NCAM2: variants seen among roughly 807,000 people sequenced by gnomAD.
The protein encoded by NCAM2 is neural cell adhesion molecule 2, also known as N-CAM-2.
Under a neutral mutation model 98.1 loss-of-function variants are expected in NCAM2, and 30 were observed. The observed-to-expected ratio is 0.31, with a 90% CI of 0.23 to 0.41. NCAM2 has a LOEUF of 0.41. Among genes scored for constraint, NCAM2 ranks in the 10% least tolerant of loss-of-function variants. NCAM2 has a pLI of 1.00. For synonymous variants in NCAM2, 368 were observed against 342.4 expected (o/e 1.07, Z -0.83); for missense variants, 867 against 1,005.8 (o/e 0.86, Z 1.87).
At chr21:21,350,627 A>G (rs1273213154) in intron 8 of NCAM2, among the ~76,000 whole-genome samples, 3 of 152,204 alleles carry the variant, frequency 2.0e-5, no homozygotes, top group African/African-American at 7.2e-5. Flanking sequence ...CTTCAAAAAC[A>G]ACAGAATTCA....
chr21:21,297,857 A>G (rs2073548810), intron 5 of NCAM2, among the ~76,000 whole-genome samples: 1 of 151,808 alleles, frequency 6.6e-6, no homozygotes, highest in African/African-American at 2.4e-5. Flanking sequence ...TTTTATGAAT[A>G]TTTTGTAAAT....
At chr21:21,515,313 C>T (rs1988649817) in intron 16 of NCAM2, among the ~76,000 whole-genome samples, 1 of 152,106 alleles carries the variant, frequency 6.6e-6, no homozygotes, top group Admixed American at 6.6e-5. Context: ...CACCACTTGA[C>T]TTGTGAGAAA....
At chr21:21,527,300 A>G (rs1469994626) in intron 16 of NCAM2, among the ~76,000 whole-genome samples, 1 of 151,950 alleles carries the variant, frequency 6.6e-6, no homozygotes, top group Non-Finnish European at 1.5e-5. Flanking sequence ...TTTAGTAGAG[A>G]TGAGGTTTCA....
At chr21:21,473,665 A>G (rs1984773745) in intron 14 of NCAM2, among the ~76,000 whole-genome samples, 1 of 151,900 alleles carries the variant, frequency 6.6e-6, no homozygotes, top group Non-Finnish European at 1.5e-5. Context: ...TTTATATTTA[A>G]AATGATGCTG....
intron 16 of NCAM2, among the ~76,000 whole-genome samples, chr21:21,517,243 C>T (rs1988762262): frequency 6.6e-6 from 1 of 152,128 alleles, no homozygotes; most frequent in Non-Finnish European, 1.5e-5. Context: ...TATCTGTGTA[C>T]TCCTGTTTCA....
intron 1 of NCAM2, among the ~76,000 whole-genome samples, chr21:21,169,840 C>A (rs1212229301): frequency 6.6e-6 from 1 of 151,998 alleles, no homozygotes; most frequent in African/African-American, 2.4e-5. Context: ...CACCTTTAGT[C>A]CCAGCTACTC....
At chr21:21,087,967 T>C (rs958145993) in intron 1 of NCAM2, among the ~76,000 whole-genome samples, 1 of 152,210 alleles carries the variant, frequency 6.6e-6, no homozygotes, top group Non-Finnish European at 1.5e-5. Context: ...TATCTGAATA[T>C]CACCATTCAA....
chr21:21,011,356 T>C (rs2064206734), intron 1 of NCAM2, among the ~76,000 whole-genome samples: 1 of 151,996 alleles, frequency 6.6e-6, no homozygotes, highest in Non-Finnish European at 1.5e-5. Flanking sequence ...CATAGTCCCT[T>C]GAAGAAACGA....
intron 1 of NCAM2, among the ~76,000 whole-genome samples, chr21:21,015,689 T>TTTTG (rs942845485): frequency 1.3e-5 from 2 of 152,054 alleles, no homozygotes; most frequent in Non-Finnish European, 2.9e-5. Context: ...TGTATTTCTG[T>TTTTG]TTTGTTTGTT....
intron 17 of NCAM2, among the ~76,000 whole-genome samples, chr21:21,537,556 A>T (rs1327672031): frequency 6.6e-6 from 1 of 152,164 alleles, no homozygotes; most frequent in Non-Finnish European, 1.5e-5. Flanking sequence ...CTATATCTAC[A>T]AATATATTGT....
chr21:21,346,657 A>T (rs1297054599), intron 8 of NCAM2, among the ~76,000 whole-genome samples: 1 of 152,066 alleles, frequency 6.6e-6, no homozygotes, highest in East Asian at 1.9e-4. Flanking sequence ...TAAAATATTT[A>T]AAAAATTAAT....
At chr21:21,443,258 A>G (rs1979580807) in intron 12 of NCAM2, among the ~76,000 whole-genome samples, 1 of 152,034 alleles carries the variant, frequency 6.6e-6, no homozygotes, top group Non-Finnish European at 1.5e-5. Flanking sequence ...GGGGAACATC[A>G]CACACCGGGG....
At chr21:21,361,287 G>T (rs771761969) in intron 8 of NCAM2, among the ~76,000 whole-genome samples, 1 of 151,862 alleles carries the variant, frequency 6.6e-6, no homozygotes, top group Non-Finnish European at 1.5e-5. Flanking sequence ...TTATGTGTGT[G>T]CCTGTTCTTC....
chr21:21,507,483 T>A (rs975634056), intron 15 of NCAM2, among the ~76,000 whole-genome samples: 8 of 152,080 alleles, frequency 5.3e-5, no homozygotes, highest in Middle Eastern at 3.2e-3. Flanking sequence ...GAGTAATAAA[T>A]GCATTTTGTC....
intron 1 of NCAM2, among the ~76,000 whole-genome samples, chr21:21,208,981 C>A (rs1245299751): frequency 1.3e-5 from 2 of 151,540 alleles, no homozygotes; most frequent in Non-Finnish European, 2.9e-5. Context: ...TTTTTTTTAA[C>A]CTGGACTGGC....
Position 21,214,251 on chromosome 21 carries a change from A to G in NCAM2, c.56-66327A>G, listed in dbSNP as rs150217207. ...GTAAAGAATTTTATGAAAAATGTTT[A>G]TAGATTGAGATTGTGGAAATAAGCA... On this transcript the variant is annotated intron_variant, in intron 1 of 17. Coordinates refer to ENST00000400546, the MANE Select transcript of NCAM2 (RefSeq NM_004540.5). Among the ~76,000 whole-genome samples, 133 of 152,262 alleles carry G rather than the reference A, an allele frequency of 8.7e-4. 1 individual carries two copies. Among genetic ancestry groups the G allele is most frequent in the African/African-American group, 3.1e-3 (130 of 41,556 alleles).
At chr21:21,272,495 CATG>C (rs1447458471) in intron 1 of NCAM2, among the ~76,000 whole-genome samples, 6 of 64,164 alleles carry the variant, frequency 9.4e-5, no homozygotes, top group Non-Finnish European at 1.7e-4. Context: ...CATACACACA[CATG>C]CGCGCGCGCG....
At chr21:21,402,074 G>T (rs2076642776) in intron 9 of NCAM2, among the ~76,000 whole-genome samples, 1 of 152,118 alleles carries the variant, frequency 6.6e-6, no homozygotes, top group Non-Finnish European at 1.5e-5. Context: ...AAACATATGT[G>T]TTTGAACAAT....
intron 1 of NCAM2, among the ~76,000 whole-genome samples, chr21:21,179,131 G>C (rs1344657302): frequency 1.3e-5 from 2 of 152,008 alleles, no homozygotes; most frequent in Admixed American, 6.6e-5. Flanking sequence ...TGAATTTAAG[G>C]TTAGGAGACT....
Sources: allele counts gnomAD v4.1 joint callset (sites outside exome capture counted in the v4.1 genomes callset), GRCh38; gene constraint gnomAD v4.1.1; transcripts MANE v1.5; gene names NCBI Gene and HGNC (gene_info 2026-07-23, HGNC 2026-07-21).